The following EPHA3 variants were observed in gnomAD, a reference collection of about 807,000 sequenced individuals.
EPHA3 encodes the protein ephrin type-A receptor 3.
Under a neutral mutation model 107.1 loss-of-function variants are expected in EPHA3, and 42 were observed. The observed-to-expected ratio is 0.39, with a 90% CI of 0.31 to 0.51. The LOEUF (loss-of-function observed/expected upper bound fraction) is 0.51. EPHA3 is among the 20% of genes least tolerant of loss of function. The pLI is 0.78. For synonymous variants in EPHA3, 461 were observed against 424.8 expected, an observed-to-expected ratio of 1.09 and a Z score of -1.05; for missense variants, 1,183 against 1,211.2, an observed-to-expected ratio of 0.98 and a Z score of 0.35.
At chr3:89,377,790 C>T (rs1262090354) in intron 5 of EPHA3, among the ~76,000 whole-genome samples, 4 of 151,914 alleles carry the variant, frequency 2.6e-5, no homozygotes, top group African/African-American at 9.7e-5. Context: ...TCTGACAGAC[C>T]AGGCCAGCAA....
In EPHA3 at chr3:89,318,032, G is replaced by A. The variant is rs182583188; in HGVS notation, c.815-22884G>A. Among the ~76,000 whole-genome samples, 20 of 151,834 alleles carry A rather than the reference G, an allele frequency of 1.3e-4. No homozygotes were observed. The East Asian group carries it at 1.7e-3, about 13-fold the overall frequency. On this transcript the variant is annotated intron_variant, in intron 3 of 16. Coordinates refer to ENST00000336596, the MANE Select transcript of EPHA3 (RefSeq NM_005233.6). ...AATGAATTAATTTGTAACAATTTCC[G>A]TTATTTGACAGGCATCAATAATATA...
rs541338965 is a variant in EPHA3, at chr3:89,433,541, T to C, written c.2346+2182T>C. 2.0e-5 allele frequency among the ~76,000 whole-genome samples: 3 copies of C among 152,294 alleles called. No individual in the cohort carries two copies. In the South Asian group the frequency reaches 6.2e-4, roughly 32 times the overall value. On this transcript the variant is annotated intron_variant, in intron 13 of 16. Coordinates refer to ENST00000336596, the MANE Select transcript of EPHA3 (RefSeq NM_005233.6). ...CCCAATGGCTTTTAATAATAAACCC[T>C]TTTGTTTTTCCAATTTTCAAATATA...
chr3:89,232,073 A>G (rs757621687), intron 3 of EPHA3, among the ~76,000 whole-genome samples: 1 of 152,096 alleles, frequency 6.6e-6, no homozygotes, highest in African/African-American at 2.4e-5. Flanking sequence ...GAAAGACAGG[A>G]GAAGGTCAGA....
chr3:89,263,125 C>T (rs1224765420), intron 3 of EPHA3, among the ~76,000 whole-genome samples: 18 of 152,020 alleles, frequency 1.2e-4, no homozygotes, highest in South Asian at 8.3e-4. Flanking sequence ...CTACCTCTCC[C>T]CTAGTCCCCT....
At chr3:89,439,830 A>G (rs560066833) in intron 13 of EPHA3, among the ~76,000 whole-genome samples, 13 of 152,220 alleles carry the variant, frequency 8.5e-5, no homozygotes, top group African/African-American at 3.1e-4. Context: ...GATATCATAC[A>G]TCAGATTACT....
chr3:89,161,287 G>A (rs1252890573), intron 2 of EPHA3, among the ~76,000 whole-genome samples: 1 of 152,126 alleles, frequency 6.6e-6, no homozygotes, highest in East Asian at 1.9e-4. Flanking sequence ...AAGAAATATA[G>A]TGAAGTCTCT....
intron 3 of EPHA3, among the ~76,000 whole-genome samples, chr3:89,275,272 A>G (rs1247765539): frequency 6.6e-6 from 1 of 152,016 alleles, no homozygotes; most frequent in Non-Finnish European, 1.5e-5. Flanking sequence ...TTCAGAAATC[A>G]CTGACAGCTC....
At chr3:89,285,478 A>G (rs1164329626) in intron 3 of EPHA3, among the ~76,000 whole-genome samples, 3 of 152,220 alleles carry the variant, frequency 2.0e-5, no homozygotes, top group African/African-American at 7.2e-5. Flanking sequence ...AATCATTACT[A>G]TGAAGCAAAG....
intron 2 of EPHA3, among the ~76,000 whole-genome samples, chr3:89,150,578 C>T (rs1475000718): frequency 2.0e-5 from 3 of 151,850 alleles, no homozygotes. Flanking sequence ...TATAACTTCC[C>T]CAGATGCACA....
intron 5 of EPHA3, among the ~76,000 whole-genome samples, chr3:89,352,276 C>G (rs1416209303): frequency 6.6e-6 from 1 of 151,248 alleles, no homozygotes; most frequent in Non-Finnish European, 1.5e-5. Flanking sequence ...CTGAAAATTG[C>G]CATCCATTAC....
intron 3 of EPHA3, among the ~76,000 whole-genome samples, chr3:89,258,862 A>G (rs1403103704): frequency 6.6e-6 from 1 of 152,142 alleles, no homozygotes; most frequent in African/African-American, 2.4e-5. Flanking sequence ...GCAATGGAAC[A>G]GTTTTGCACC....
chr3:89,407,681 A>T (rs1305966721), intron 8 of EPHA3, among the ~76,000 whole-genome samples: 1 of 151,988 alleles, frequency 6.6e-6, no homozygotes. Context: ...ATAACCCCAG[A>T]TTTCCTTGAC....
intron 3 of EPHA3, 146 bp downstream of exon 3, chr3:89,210,666 T>C: frequency 2.5e-6 from 2 of 809,540 alleles, no homozygotes; most frequent in Non-Finnish European, 3.7e-6. Context: ...GGACTAAAAT[T>C]AATTCCATTT....
At chr3:89,275,114 G>A (rs911514297) in intron 3 of EPHA3, among the ~76,000 whole-genome samples, 5 of 151,932 alleles carry the variant, frequency 3.3e-5, no homozygotes, top group African/African-American at 1.2e-4. Context: ...GAAGTTCAAG[G>A]CTGAGTGATT....
intron 5 of EPHA3, among the ~76,000 whole-genome samples, chr3:89,374,180 C>T (rs1414166980): frequency 1.3e-5 from 2 of 151,806 alleles, no homozygotes; most frequent in African/African-American, 2.4e-5. Context: ...GGCAAAAATA[C>T]ACCAAGTATA....
chr3:89,367,634 T>G (rs546080786), intron 5 of EPHA3, among the ~76,000 whole-genome samples: 2 of 151,008 alleles, frequency 1.3e-5, no homozygotes, highest in East Asian at 1.9e-4. Flanking sequence ...TTATGTGGCA[T>G]CACACAAATT....
At chr3:89,339,091 G>A (rs762748675) in intron 3 of EPHA3, among the ~76,000 whole-genome samples, 1 of 152,002 alleles carries the variant, frequency 6.6e-6, no homozygotes. Context: ...AATATTTGTC[G>A]GCCTGTGGCG....
intron 5 of EPHA3, among the ~76,000 whole-genome samples, chr3:89,373,981 T>G (rs1196946323): frequency 6.6e-6 from 1 of 151,818 alleles, no homozygotes; most frequent in African/African-American, 2.4e-5. Context: ...ATACTATATA[T>G]AATAAATATC....
chr3:89,235,235 C>A (rs922613128), intron 3 of EPHA3, among the ~76,000 whole-genome samples: 1 of 151,692 alleles, frequency 6.6e-6, no homozygotes, highest in East Asian at 1.9e-4. Flanking sequence ...ATTTTCTTGA[C>A]AATAAATGTA....
Sources: allele counts gnomAD v4.1 joint callset (sites outside exome capture counted in the v4.1 genomes callset), GRCh38; gene constraint gnomAD v4.1.1; transcripts MANE v1.5; gene names NCBI Gene and HGNC (gene_info 2026-07-23, HGNC 2026-07-21).